CD33: variants seen among roughly 807,000 people sequenced by gnomAD.
The protein encoded by CD33 is myeloid cell surface antigen CD33.
In CD33, 25 loss-of-function variants were observed where a neutral mutation model predicts 31.4. The ratio of observed to expected loss-of-function variants is 0.80; its 90% CI spans 0.58 to 1.11. The LOEUF is 1.11. Among genes scored for constraint, CD33 ranks in the 50% most tolerant of loss-of-function variants. The pLI is 0.00. For synonymous variants in CD33, 176 were observed against 180.6 expected, an observed-to-expected ratio of 0.97 and a Z score of 0.20; for missense variants, 407 against 448.1, an observed-to-expected ratio of 0.91 and a Z score of 0.83.
intron 4 of CD33, among the ~76,000 whole-genome samples, chr19:51,229,572 A>G (rs1055172097): frequency 6.6e-6 from 1 of 151,824 alleles, no homozygotes; most frequent in African/African-American, 2.4e-5. Context: ...CAATCTCATT[A>G]CTTGTTGTTT....
At chr19:51,232,897 C>G (rs895757798) in intron 4 of CD33, among the ~76,000 whole-genome samples, 4 of 152,216 alleles carry the variant, frequency 2.6e-5, no homozygotes, top group African/African-American at 9.7e-5. Flanking sequence ...TGAGATGAAG[C>G]TGAATGACTC....
Position 51,239,761 on chromosome 19 carries a change from T to A in CD33, c.*73T>A. The stretch of plus-strand genomic sequence containing the variant: ...CAGGTCGGGGACCAAAGGCTGATTC[T>A]TGGAGATTTAACACCCCACAGGCAA... On this transcript the variant is annotated 3_prime_UTR_variant, in exon 7 of 7. Coordinates refer to ENST00000262262, the MANE Select transcript of CD33 (RefSeq NM_001772.4). 1 of 1,324,840 alleles carries A rather than the reference T, an allele frequency of 7.5e-7. No homozygotes were observed. Among genetic ancestry groups the A allele is most frequent in the Non-Finnish European group, 1.0e-6 (1 of 962,644 alleles). The allele number at this position is 1,324,840 out of a possible 1,614,324, so 82.1% of individuals were successfully genotyped here.
chr19:51,235,353 G>A, intron 5 of CD33, 100 bp downstream of exon 5: 3 of 1,283,492 alleles, frequency 2.3e-6, no homozygotes, highest in Non-Finnish European at 3.3e-6. Flanking sequence ...GAAAGGGCAG[G>A]GGGTGTGATG....
the CD33 span, among the ~76,000 whole-genome samples, chr19:51,215,858 G>T: frequency 6.6e-6 from 1 of 152,052 alleles, no homozygotes; most frequent in Non-Finnish European, 1.5e-5. Context: ...CCTCCTCCCT[G>T]GTCACTGAAC....
At chr19:51,216,220 C>CTG in the CD33 span, among the ~76,000 whole-genome samples, 2 of 81,430 alleles carry the variant, frequency 2.5e-5, no homozygotes, top group Admixed American at 1.4e-4. Context: ...TAAATGTCAC[C>CTG]CGAGTGTGTG....
At chr19:51,215,115 C>T in the CD33 span, among the ~76,000 whole-genome samples, 4 of 152,246 alleles carry the variant, frequency 2.6e-5, no homozygotes, top group South Asian at 8.3e-4. Context: ...TCTGCCTCAC[C>T]TTCCTCAGGT....
chr19:51,233,605 G>A (rs1389192920), intron 4 of CD33, among the ~76,000 whole-genome samples: 1 of 152,216 alleles, frequency 6.6e-6, no homozygotes, highest in Non-Finnish European at 1.5e-5. Context: ...TAGGGAGTTG[G>A]GAGTGCACAC....
In CD33 at chr19:51,239,619, C is replaced by T; in HGVS notation, c.1026C>T (p.Ser342=). The change falls in exon 7 of 7, where the codon TCC becomes TCT. Residue 342 remains serine (S), a synonymous_variant. Transcript: ENST00000262262. The part of the protein sequence containing the change: ...VEMDEELHYA[S]LNFHGMNPSK... ...TGGATGAGGAGCTGCATTATGCTTCCCTCAACTTTCATGGGATGAATCCTT... is the reference window on the plus strand; with the variant it reads ...TGGATGAGGAGCTGCATTATGCTTCTCTCAACTTTCATGGGATGAATCCTT... 6.2e-7 allele frequency: 1 copy of T among 1,613,790 alleles called. No individual in the cohort carries two copies. The highest frequency in any genetic ancestry group is 8.5e-7 in the Non-Finnish European group (1 of 1,179,918).
intron 4 of CD33, 92 bp from the exon 5 acceptor site, chr19:51,235,065 G>A (rs771227600): frequency 1.7e-4 from 170 of 996,152 alleles, no homozygotes; most frequent in Admixed American, 4.3e-4. Flanking sequence ...CCATTTTGGA[G>A]GTGAAGTCAC....
intron 3 of CD33, 66 bp downstream of exon 3, chr19:51,226,147 G>A: frequency 6.3e-7 from 1 of 1,578,388 alleles, no homozygotes; most frequent in South Asian, 1.1e-5. Flanking sequence ...GCTGGTGCTG[G>A]GGACATTTAG....
the CD33 span, among the ~76,000 whole-genome samples, chr19:51,215,551 C>G: frequency 6.6e-6 from 1 of 152,210 alleles, no homozygotes; most frequent in East Asian, 1.9e-4. Flanking sequence ...ATGGGCTAAT[C>G]TCTCAGGTGA....
chr19:51,220,467 C>A (rs1317985323), upstream of CD33, among the ~76,000 whole-genome samples: 1 of 152,152 alleles, frequency 6.6e-6, no homozygotes, highest in African/African-American at 2.4e-5. Context: ...TGAATTTTGG[C>A]TGGACTGCTC....
intron 6 of CD33, chr19:51,236,766 G>A (rs986490518): frequency 2.6e-5 from 4 of 152,116 alleles, no homozygotes; most frequent in African/African-American, 7.3e-5. Flanking sequence ...AGTATGCTAC[G>A]ATGCATGTCT....
chr19:51,239,204 C>T (rs887970439), intron 6 of CD33: 3 of 188,766 alleles, frequency 1.6e-5, no homozygotes, highest in African/African-American at 7.0e-5. Flanking sequence ...ATTACCTAAG[C>T]TCTCTGAGAC....
upstream of CD33, among the ~76,000 whole-genome samples, chr19:51,224,818 C>T (rs372357792): frequency 1.6e-4 from 25 of 152,040 alleles, no homozygotes; most frequent in Admixed American, 8.5e-4. Context: ...ACATGGGGTT[C>T]GCATGTCTCA....
chr19:51,235,540 A>G (rs1305048723), intron 5 of CD33, 55 bp from the exon 6 acceptor site: 2 of 1,569,810 alleles, frequency 1.3e-6, no homozygotes, highest in African/African-American at 2.7e-5. Context: ...GGCTCATAAC[A>G]ATGGCCCCAC....
At chr19:51,228,699 T>C (rs932446008) in intron 4 of CD33, among the ~76,000 whole-genome samples, 2 of 141,148 alleles carry the variant, frequency 1.4e-5, no homozygotes, top group African/African-American at 2.7e-5. Flanking sequence ...TTTTGTTTTG[T>C]TTTTGAGATG....
At chr19:51,237,417 A>C (rs1411094709) in intron 6 of CD33, 2 of 152,264 alleles carry the variant, frequency 1.3e-5, no homozygotes, top group African/African-American at 4.8e-5. Context: ...TATACATGAA[A>C]TAGGCATGAA....
the CD33 span, chr19:51,211,271 GT>G: frequency 2.8e-5 from 44 of 1,574,608 alleles, no homozygotes; most frequent in Non-Finnish European, 3.8e-5. Flanking sequence ...GTACAGGAGG[GT>G]TTGTGCGTCC....
Sources: gnomAD v4.1 joint callset for allele counts (sites outside exome capture counted in the v4.1 genomes callset) on GRCh38, gnomAD v4.1.1 for gene constraint, MANE v1.5 for transcripts, NCBI Gene and HGNC (gene_info 2026-07-23, HGNC 2026-07-21) for gene names.